Variants in COP1 observed in about 807,000 individuals in gnomAD.
COP1 encodes E3 ubiquitin-protein ligase COP1.
In COP1, 24 loss-of-function variants were observed where a neutral mutation model predicts 101.3. The observed-to-expected ratio is 0.24, with a 90% CI of 0.17 to 0.33. The LOEUF is 0.33. Ranked by LOEUF, COP1 falls within the 10% of genes least tolerant of loss-of-function variation. COP1 has a pLI of 1.00. For synonymous variants in COP1, 347 were observed against 341.9 expected (o/e 1.01, Z -0.17); for missense variants, 663 against 906.2 (o/e 0.73, Z 3.45).
chr1:176,029,914 C>A (rs1668375980), intron 14 of COP1, among the ~76,000 whole-genome samples: 1 of 152,060 alleles, frequency 6.6e-6, no homozygotes, highest in Non-Finnish European at 1.5e-5. Flanking sequence ...CCACAGTAAA[C>A]TAAGACCCTC....
At chr1:175,955,766 C>CCACACACACACGCACACAAA (rs1553275315) in intron 18 of COP1, among the ~76,000 whole-genome samples, 2 of 129,192 alleles carry the variant, frequency 1.5e-5, no homozygotes, top group Non-Finnish European at 3.2e-5. Context: ...TAGAGACAAA[C>CCACACACACACGCACACAAA]CACACACACA....
At chr1:176,073,090 A>G (rs1222711053) in intron 11 of COP1, among the ~76,000 whole-genome samples, 2 of 152,168 alleles carry the variant, frequency 1.3e-5, no homozygotes. Context: ...ATCTTGGACA[A>G]GTTACAAAAT....
chr1:176,140,808 G>C (rs1223399418), intron 6 of COP1, among the ~76,000 whole-genome samples: 1 of 152,110 alleles, frequency 6.6e-6, no homozygotes, highest in Non-Finnish European at 1.5e-5. Flanking sequence ...ACAGAGTTTG[G>C]TGCCACTTAG....
intron 1 of COP1, among the ~76,000 whole-genome samples, chr1:176,185,414 C>T (rs1698317426): frequency 1.3e-5 from 2 of 151,958 alleles, no homozygotes; most frequent in Admixed American, 6.6e-5. Flanking sequence ...ACTTTAAATA[C>T]CAATTGTAAT....
At chr1:175,991,795 T>C (rs1231418715) in intron 15 of COP1, among the ~76,000 whole-genome samples, 1 of 152,186 alleles carries the variant, frequency 6.6e-6, no homozygotes, top group African/African-American at 2.4e-5. Flanking sequence ...GTCAGGATAA[T>C]CAATATCACT....
At chr1:176,064,413 A>G (rs550380148) in intron 11 of COP1, among the ~76,000 whole-genome samples, 30 of 152,196 alleles carry the variant, frequency 2.0e-4, no homozygotes, top group Non-Finnish European at 3.5e-4. Flanking sequence ...TAAATTCTGG[A>G]ACCAACTTTT....
chr1:176,134,522 A>G (rs1689486446), intron 8 of COP1, among the ~76,000 whole-genome samples: 1 of 152,038 alleles, frequency 6.6e-6, no homozygotes, highest in African/African-American at 2.4e-5. Flanking sequence ...AGAAGAATTA[A>G]TAATAAGTAG....
At chr1:176,170,618 C>T (rs1302720569) in intron 3 of COP1, among the ~76,000 whole-genome samples, 1 of 152,102 alleles carries the variant, frequency 6.6e-6, no homozygotes, top group Non-Finnish European at 1.5e-5. Context: ...TGTCTTCAGG[C>T]TTTGTTGTTC....
chr1:176,150,432 A>T (rs142436396), intron 5 of COP1, among the ~76,000 whole-genome samples: 6 of 152,338 alleles, frequency 3.9e-5, no homozygotes, highest in Admixed American at 6.5e-5. Flanking sequence ...CTTTGACTGG[A>T]CCTTAGACCC....
intron 15 of COP1, among the ~76,000 whole-genome samples, chr1:176,003,611 C>T (rs1412285051): frequency 1.3e-5 from 2 of 151,990 alleles, no homozygotes; most frequent in Non-Finnish European, 2.9e-5. Flanking sequence ...ATAGGGAATC[C>T]TTTCCCCATT....
rs147167111 is a variant in COP1 at position 176,125,333 on chromosome 1, A to G, written c.969-8652T>C. Among the ~76,000 whole-genome samples the G allele has an allele frequency of 2.6e-3, 399 of 152,130 alleles. 3 individuals are homozygous for G. Among genetic ancestry groups the G allele is most frequent in the African/African-American group, 9.2e-3 (381 of 41,524 alleles). On this transcript the variant is annotated intron_variant, in intron 8 of 19. Transcript: ENST00000367669. ...GTATTACTCAAAAATTTTTTGCCCCAAGTTTCCCCAATGTTTTCTTGTAGT... is the reference window on the plus strand; with the variant it reads ...GTATTACTCAAAAATTTTTTGCCCCGAGTTTCCCCAATGTTTTCTTGTAGT...
At chr1:176,119,816 C>T (rs141558634) in intron 8 of COP1, among the ~76,000 whole-genome samples, 2 of 152,180 alleles carry the variant, frequency 1.3e-5, no homozygotes, top group African/African-American at 4.8e-5. Context: ...ATGCACTAAC[C>T]TAAATAATTT....
chr1:175,951,437 A>AATATATATATATATATATATAT (rs765055146), intron 18 of COP1, among the ~76,000 whole-genome samples: 184 of 107,934 alleles, frequency 1.7e-3, no homozygotes, highest in African/African-American at 5.6e-3. Context: ...AAGATACGTG[A>AATATATATATATATATATATAT]ATATATATAT....
intron 8 of COP1, among the ~76,000 whole-genome samples, chr1:176,124,740 G>A (rs1180283111): frequency 6.6e-6 from 1 of 152,148 alleles, no homozygotes; most frequent in Non-Finnish European, 1.5e-5. Flanking sequence ...TGGGAATGCA[G>A]ATAACTCTTT....
intron 14 of COP1, among the ~76,000 whole-genome samples, chr1:176,029,760 T>C (rs773694913): frequency 2.6e-5 from 4 of 152,114 alleles, no homozygotes; most frequent in South Asian, 4.1e-4. Context: ...CAGCAGTGAA[T>C]AAAATAAGTA....
At chr1:176,031,859 T>C (rs1328139935) in intron 14 of COP1, among the ~76,000 whole-genome samples, 1 of 152,204 alleles carries the variant, frequency 6.6e-6, no homozygotes, top group African/African-American at 2.4e-5. Flanking sequence ...GTATATCATC[T>C]AATAATCTGT....
chr1:175,977,624 GAAC>G (rs1290599470), intron 18 of COP1, among the ~76,000 whole-genome samples: 1 of 151,990 alleles, frequency 6.6e-6, no homozygotes, highest in African/African-American at 2.4e-5. Flanking sequence ...AGTGTCATGA[GAAC>G]AACAGTGGTT....
intron 1 of COP1, 108 bp from the exon 2 acceptor site, chr1:176,184,800 G>C (rs968929717): frequency 2.8e-6 from 2 of 726,264 alleles, no homozygotes; most frequent in East Asian, 2.6e-5. Flanking sequence ...ATACAGTTTA[G>C]AGCTAAGTCT....
chr1:175,950,553 G>A (rs1279747390), intron 18 of COP1, among the ~76,000 whole-genome samples: 1 of 152,056 alleles, frequency 6.6e-6, no homozygotes, highest in Admixed American at 6.6e-5. Context: ...TTGTAGCTGT[G>A]GTCTGCTAGG....
Sources: gnomAD v4.1 joint callset for allele counts (sites outside exome capture counted in the v4.1 genomes callset) on GRCh38, gnomAD v4.1.1 for gene constraint, MANE v1.5 for transcripts, NCBI Gene and HGNC (gene_info 2026-07-23, HGNC 2026-07-21) for gene names.